Variants in SEMA3A observed in about 807,000 individuals in gnomAD.
SEMA3A encodes semaphorin 3A.
A neutral mutation model predicts 97.9 loss-of-function variants in SEMA3A; 29 were observed. The observed-to-expected ratio is 0.30, with a 90% CI of 0.22 to 0.40. The LOEUF (loss-of-function observed/expected upper bound fraction) is 0.40. Ranked by LOEUF, SEMA3A falls within the 10% of genes least tolerant of loss-of-function variation. The pLI is 1.00. For synonymous variants in SEMA3A, 321 were observed against 323.7 expected (o/e 0.99, Z 0.09); for missense variants, 763 against 951.3 (o/e 0.80, Z 2.60).
At chr7:84,080,542 A>T (rs904180819) in intron 4 of SEMA3A, among the ~76,000 whole-genome samples, 1 of 150,530 alleles carries the variant, frequency 6.6e-6, no homozygotes, top group Non-Finnish European at 1.5e-5. Context: ...TCAGTTTATA[A>T]TTTGCAGCTT....
chr7:83,990,619 A>G (rs1789872788), intron 12 of SEMA3A, among the ~76,000 whole-genome samples: 1 of 146,736 alleles, frequency 6.8e-6, no homozygotes, highest in South Asian at 2.3e-4. Flanking sequence ...GTCAAAGATC[A>G]GATAGTTGTA....
At chr7:84,317,992 T>G (rs1356524897) in intron 2 of SEMA3A, among the ~76,000 whole-genome samples, 1 of 151,754 alleles carries the variant, frequency 6.6e-6, no homozygotes, top group Non-Finnish European at 1.5e-5. Flanking sequence ...ACAAAAAGAG[T>G]TGTCCATAAA....
At chr7:84,167,237 T>G (rs1248045726) in intron 1 of SEMA3A, among the ~76,000 whole-genome samples, 1 of 152,156 alleles carries the variant, frequency 6.6e-6, no homozygotes, top group Non-Finnish European at 1.5e-5. Context: ...GGTTGATATG[T>G]CTAGGTGGCA....
chr7:83,979,179 G>GC (rs1302502747), intron 14 of SEMA3A, among the ~76,000 whole-genome samples: 1 of 150,012 alleles, frequency 6.7e-6, no homozygotes, highest in Non-Finnish European at 1.5e-5. Context: ...TGTCACCCAG[G>GC]CTGGAGTGCA....
At chr7:84,426,265 T>C (rs1430130303) in intron 1 of SEMA3A, among the ~76,000 whole-genome samples, 1 of 120,412 alleles carries the variant, frequency 8.3e-6, no homozygotes, top group Admixed American at 9.4e-5. Flanking sequence ...GAGATAGATA[T>C]AGATATATAG....
chr7:84,063,060 C>G (rs369518646), intron 4 of SEMA3A, among the ~76,000 whole-genome samples: 103 of 150,706 alleles, frequency 6.8e-4, no homozygotes, highest in Non-Finnish European at 9.9e-4. Flanking sequence ...CCCAGCACGC[C>G]GCTGGAGATC....
intron 2 of SEMA3A, among the ~76,000 whole-genome samples, chr7:84,350,109 C>T (rs1456455989): frequency 6.6e-6 from 1 of 152,150 alleles, no homozygotes; most frequent in Non-Finnish European, 1.5e-5. Context: ...ACCTGGACAT[C>T]TCTTTATTCT....
Position 84,067,290 on chromosome 7 carries a change from T to TA in SEMA3A, c.454-6733dup, listed in dbSNP as rs1485660603. Among the ~76,000 whole-genome samples the TA allele has an allele frequency of 1.4e-3, 208 of 152,252 alleles. 3 individuals are homozygous for TA. The highest frequency in any genetic ancestry group is 5.0e-3 in the African/African-American group (206 of 41,540). Reference sequence around the variant, plus strand: ...ATCAATTCAAGATGGATTAAAGACTTAAACGTTTGACCTAAAACCATAAAA... The same window carrying TA: ...ATCAATTCAAGATGGATTAAAGACTTAAAACGTTTGACCTAAAACCATAAAA... On this transcript the variant is annotated intron_variant, in intron 4 of 16. Coordinates refer to ENST00000265362, the MANE Select transcript of SEMA3A (RefSeq NM_006080.3).
intron 2 of SEMA3A, among the ~76,000 whole-genome samples, chr7:84,331,785 T>TGTGCGTGC (rs1801915114): frequency 6.6e-6 from 1 of 152,038 alleles, no homozygotes; most frequent in Admixed American, 6.6e-5. Flanking sequence ...ATGAAGTCTG[T>TGTGCGTGC]GTGCGTGCAT....
chr7:84,490,199 CAA>C lies in SEMA3A; in HGVS notation c.-246+2259_-246+2260del, dbSNP rs35030948. Among the ~76,000 whole-genome samples, 133 of 100,964 alleles carry C rather than the reference CAA, an allele frequency of 1.3e-3. 1 individual carries two copies. The highest frequency in any genetic ancestry group is 0.011 in the East Asian group (44 of 3,832). 66.2% of individuals were successfully genotyped at this position (100,964 alleles called of 152,430 possible). A position where few individuals can be genotyped will look rare whatever the true frequency, so the allele number is the denominator to read the frequency against. ...GGATATAACCACAATGCTTTTCCAG[CAA>C]AAAAAAAAAAAAAAAAAATTAACTG... On this transcript the variant is annotated intron_variant, in intron 1 of 3. Coordinates refer to the SEMA3A transcript ENST00000424555.
At chr7:84,456,190 C>T (rs1168114214) in intron 1 of SEMA3A, among the ~76,000 whole-genome samples, 1 of 151,738 alleles carries the variant, frequency 6.6e-6, no homozygotes, top group Non-Finnish European at 1.5e-5. Flanking sequence ...AAATATCCTC[C>T]TTTTTTAAAT....
At chr7:84,267,125 A>G (rs1035100492) in intron 3 of SEMA3A, among the ~76,000 whole-genome samples, 1 of 152,168 alleles carries the variant, frequency 6.6e-6, no homozygotes, top group Non-Finnish European at 1.5e-5. Context: ...AACTTAAGTG[A>G]CAAAATGAAC....
intron 1 of SEMA3A, among the ~76,000 whole-genome samples, chr7:84,379,059 C>T (rs1208810197): frequency 6.6e-6 from 1 of 151,978 alleles, no homozygotes; most frequent in African/African-American, 2.4e-5. Flanking sequence ...TCCTGAGTAG[C>T]TGGGACTACA....
intron 6 of SEMA3A, among the ~76,000 whole-genome samples, chr7:84,035,191 T>C (rs1003251257): frequency 6.6e-6 from 1 of 152,062 alleles, no homozygotes; most frequent in African/African-American, 2.4e-5. Context: ...TTTGAAATAA[T>C]ATGCCTCCAG....
intron 2 of SEMA3A, among the ~76,000 whole-genome samples, chr7:84,307,691 C>T (rs1366063101): frequency 6.6e-6 from 1 of 152,284 alleles, no homozygotes; most frequent in African/African-American, 2.4e-5. Context: ...AAGGCTCACA[C>T]TGACAACCCA....
Position 84,032,412 on chromosome 7 carries a change from A to C in SEMA3A, c.667+13912T>G, listed in dbSNP as rs183619883. Among the ~76,000 whole-genome samples, 466 of 152,316 alleles carry C rather than the reference A, an allele frequency of 3.1e-3. 2 individuals are homozygous for C. The highest frequency in any genetic ancestry group is 0.01 in the African/African-American group (434 of 41,580). ...AGCACTTCTATTATTCGATGGTCAA[A>C]AAATGTTCTCAAAAACACCAGAAAT... On this transcript the variant is annotated intron_variant, in intron 6 of 16. Coordinates refer to ENST00000265362, the MANE Select transcript of SEMA3A (RefSeq NM_006080.3).
intron 4 of SEMA3A, among the ~76,000 whole-genome samples, chr7:84,092,445 A>C (rs1794631479): frequency 6.6e-6 from 1 of 152,112 alleles, no homozygotes; most frequent in African/African-American, 2.4e-5. Flanking sequence ...CTGCCGCTGA[A>C]CATCACAACA....
At position 83,961,789 on chromosome 7, in the gene SEMA3A, C is replaced by A. The variant is rs751889099; in HGVS notation, c.1898G>T (p.Gly633Val). The change falls in exon 17 of 17, where the codon GGC becomes GTC. Residue 633 changes from glycine (G) to valine (V), a missense_variant. This residue lies in a region of SEMA3A where 678 missense variants were observed against 881.3 expected (regional missense o/e 0.77). Coordinates refer to ENST00000265362, the MANE Select transcript of SEMA3A (RefSeq NM_006080.3). ...CTGTTGTAGACTACGTAGCAGAAGG[C>A]CTTGATCTGTCCTGATGATATGATC... ...VDDHIIRTDQ[G>V]LLLRSLQQKD... 2 of 1,613,798 alleles carry A rather than the reference C, an allele frequency of 1.2e-6. No individual in the cohort carries two copies. The highest frequency in any genetic ancestry group is 1.7e-6 in the Non-Finnish European group (2 of 1,179,846).
Position 84,376,582 on chromosome 7 carries a change from C to T in SEMA3A, c.-245-4682G>A, listed in dbSNP as rs1207654245. Among the ~76,000 whole-genome samples the T allele has an allele frequency of 7.7e-5, 9 of 116,200 alleles. 1 individual carries two copies. The highest frequency in any genetic ancestry group is 1.2e-4 in the Admixed American group (1 of 8,072). 76.2% of individuals were successfully genotyped at this position (116,200 alleles called of 152,430 possible). On this transcript the variant is annotated intron_variant, in intron 1 of 3. Transcript: ENST00000424555. ...TCGCGCCACTGCACTCCAGCCTGGG[C>T]GACAGAGCGAGACTCCGTCTCAAAA...
Sources: gnomAD v4.1 joint callset for allele counts (sites outside exome capture counted in the v4.1 genomes callset) on GRCh38, gnomAD v4.1.1 for gene constraint, gnomAD v4.1.1 regional missense constraint, MANE v1.5 for transcripts, NCBI Gene and HGNC (gene_info 2026-07-23, HGNC 2026-07-21) for gene names.